Variants in ADAMTS2 observed in about 807,000 individuals in gnomAD.
The protein encoded by ADAMTS2 is ADAM metallopeptidase with thrombospondin type 1 motif 2, also known as A disintegrin and metalloproteinase with thrombospondin motifs 2.
A neutral mutation model predicts 123.0 loss-of-function variants in ADAMTS2; 50 were observed. That is an observed-to-expected ratio of 0.41 (90% CI 0.32 to 0.51). The LOEUF (loss-of-function observed/expected upper bound fraction) is 0.51, where lower values mean the gene tolerates loss of function less well. Among genes scored for constraint, ADAMTS2 ranks in the 20% least tolerant of loss-of-function variants. The probability of loss-of-function intolerance (pLI) is 0.35; values close to 1 mark genes in which losing one functional copy is unlikely to be tolerated. For synonymous variants in ADAMTS2, 678 were observed against 695.4 expected, an observed-to-expected ratio of 0.98 and a Z score of 0.39; for missense variants, 1,494 against 1,705.2, an observed-to-expected ratio of 0.88 and a Z score of 2.18.
chr5:179,173,173 C>T (rs1413907314), intron 5 of ADAMTS2, among the ~76,000 whole-genome samples: 2 of 151,396 alleles, frequency 1.3e-5, no homozygotes, highest in Admixed American at 1.3e-4. Context: ...GATCACACCA[C>T]TCCACTCTAG....
At chr5:179,321,739 C>G (rs1757186695) in intron 2 of ADAMTS2, among the ~76,000 whole-genome samples, 1 of 151,526 alleles carries the variant, frequency 6.6e-6, no homozygotes, top group Admixed American at 6.6e-5. Flanking sequence ...TTTCCAGCTG[C>G]CAGACTCCTT....
At chr5:179,209,803 A>T (rs1015838047) in intron 3 of ADAMTS2, among the ~76,000 whole-genome samples, 3 of 152,162 alleles carry the variant, frequency 2.0e-5, no homozygotes, top group African/African-American at 7.2e-5. Context: ...CTATTTTTGT[A>T]CATTTATTTC....
At chr5:179,237,511 TACTG>T (rs1280411062) in intron 3 of ADAMTS2, among the ~76,000 whole-genome samples, 3 of 152,168 alleles carry the variant, frequency 2.0e-5, no homozygotes, top group Admixed American at 6.5e-5. Flanking sequence ...TAGCAGCCTC[TACTG>T]ACTAAGACAG....
At chr5:179,258,071 C>A (rs1372698386) in intron 3 of ADAMTS2, among the ~76,000 whole-genome samples, 2 of 152,152 alleles carry the variant, frequency 1.3e-5, no homozygotes, top group African/African-American at 2.4e-5. Flanking sequence ...GACCCCCAGG[C>A]TCCAGGCAAG....
chr5:179,136,296 C>T (rs1033703942), intron 12 of ADAMTS2, among the ~76,000 whole-genome samples: 18 of 152,162 alleles, frequency 1.2e-4, no homozygotes, highest in Non-Finnish European at 8.8e-5. Context: ...TGGTGCAGCC[C>T]GGCTCTCACA....
At chr5:179,315,237 C>CCTGGCTTCTGGAAAGCACTGAGGCCACAG (rs1756955921) in intron 2 of ADAMTS2, among the ~76,000 whole-genome samples, 2 of 39,042 alleles carry the variant, frequency 5.1e-5, no homozygotes, top group Non-Finnish European at 1.1e-4. Context: ...GATTAAATAC[C>CCTGGCTTCTGGAAAGCACTGAGGCCACAG]CTGGCTTCTG....
rs1755980888 is a variant in ADAMTS2, at chr5:179,285,057, C to T, written c.535-11993G>A. Among the ~76,000 whole-genome samples the T allele has an allele frequency of 1.3e-5, 2 of 152,126 alleles. No individual in the cohort carries two copies. Among genetic ancestry groups the T allele is most frequent in the Non-Finnish European group, 2.9e-5 (2 of 68,026 alleles). ...GCTGATGTGAGGGCTAAGCGAGATA[C>T]TGCGTCTCTAGCACTGGGCACAGCA... On this transcript the variant is annotated intron_variant, in intron 2 of 21. Transcript: ENST00000251582. The surrounding 1 kb of genome is among the most constrained non-coding windows in gnomAD (Gnocchi z 4.9).
chr5:179,329,855 G>T (rs919548169), intron 2 of ADAMTS2, among the ~76,000 whole-genome samples: 26 of 152,156 alleles, frequency 1.7e-4, no homozygotes, highest in Non-Finnish European at 3.5e-4. Context: ...GGCCGGGCGT[G>T]GTGGCTCACG....
At chr5:179,123,349 G>A (rs1336026206) in intron 19 of ADAMTS2, among the ~76,000 whole-genome samples, 2 of 152,242 alleles carry the variant, frequency 1.3e-5, no homozygotes, top group Admixed American at 6.5e-5. Context: ...GGAAAAGGCT[G>A]ACTCAGCAGA....
At chr5:179,246,339 C>G (rs1365529357) in intron 3 of ADAMTS2, among the ~76,000 whole-genome samples, 1 of 152,122 alleles carries the variant, frequency 6.6e-6, no homozygotes, top group East Asian at 1.9e-4. Flanking sequence ...CGGAGCTTCC[C>G]CAGGACTGAA....
Position 179,223,415 on chromosome 5 carries a change from TAC to T in ADAMTS2, c.689-15702_689-15701del, listed in dbSNP as rs58581656. On this transcript the variant is annotated intron_variant, in intron 3 of 21. Transcript: ENST00000251582. ...ACTCACACACACGCATGCAGTCACA[TAC>T]ACACATGCACTCACACGAACGCACT... 1.2e-3 allele frequency among the ~76,000 whole-genome samples: 143 copies of T among 118,840 alleles called. 1 individual carries two copies. Among genetic ancestry groups the T allele is most frequent in the African/African-American group, 4.2e-3 (127 of 30,374 alleles). The allele number at this position is 118,840 out of a possible 152,430, so 78.0% of individuals were successfully genotyped here. A position where few individuals can be genotyped will look rare whatever the true frequency, so the allele number is the denominator to read the frequency against.
At chr5:179,161,563 G>A (rs190232552) in intron 5 of ADAMTS2, among the ~76,000 whole-genome samples, 11 of 152,282 alleles carry the variant, frequency 7.2e-5, no homozygotes, top group Admixed American at 5.9e-4. Flanking sequence ...TGCCAAGGCT[G>A]GTTAACATAT....
intron 4 of ADAMTS2, among the ~76,000 whole-genome samples, chr5:179,190,609 G>A (rs1473434839): frequency 6.6e-6 from 1 of 152,176 alleles, no homozygotes; most frequent in Non-Finnish European, 1.5e-5. Flanking sequence ...AGGCCAGACT[G>A]ATTTAGGTAA....
In ADAMTS2 at chr5:179,121,661, T is replaced by A; in HGVS notation, c.3178A>T (p.Lys1060Ter). 6.2e-7 allele frequency: 1 copy of A among 1,600,840 alleles called. No homozygotes were observed. The highest frequency in any genetic ancestry group is 8.5e-7 in the Non-Finnish European group (1 of 1,173,420). The change falls in exon 21 of 22, where the codon AAG (lysine) becomes TAG (stop). Residue 1060 changes from lysine to a stop codon, truncating the protein, a stop_gained and splice_region_variant. Coordinates refer to ENST00000251582, the MANE Select transcript of ADAMTS2 (RefSeq NM_014244.5). LOFTEE classifies it high-confidence loss of function. ...PDSPIRKISS[K>*]GHCQGDKSIF... ...GCAGAGTTATAAACGGGTCGGTTAC[T>A]TGACGAGATCTTCCGGATGGGCGAG...
At chr5:179,149,153 G>A (rs918618765) in intron 10 of ADAMTS2, among the ~76,000 whole-genome samples, 14 of 152,190 alleles carry the variant, frequency 9.2e-5, no homozygotes, top group African/African-American at 3.4e-4. Flanking sequence ...AAATTCATAT[G>A]GTGAAGCCCT....
At chr5:179,218,033 CG>C (rs1248373752) in intron 3 of ADAMTS2, among the ~76,000 whole-genome samples, 1 of 152,220 alleles carries the variant, frequency 6.6e-6, no homozygotes, top group Non-Finnish European at 1.5e-5. Context: ...GTCCCCAAAA[CG>C]TAAGTCCTAA....
chr5:179,295,892 G>A (rs1192971454), intron 2 of ADAMTS2, among the ~76,000 whole-genome samples: 2 of 152,226 alleles, frequency 1.3e-5, no homozygotes, highest in African/African-American at 4.8e-5. Context: ...GGGAGCAAGG[G>A]AGGCGTGGAG....
chr5:179,198,338 A>G (rs960866805), intron 4 of ADAMTS2, among the ~76,000 whole-genome samples: 1 of 152,234 alleles, frequency 6.6e-6, no homozygotes, highest in Non-Finnish European at 1.5e-5. Flanking sequence ...TGGATGGGCC[A>G]CACATCTGCC....
chr5:179,276,392 G>T (rs533925732), intron 2 of ADAMTS2, among the ~76,000 whole-genome samples: 1 of 152,296 alleles, frequency 6.6e-6, no homozygotes, highest in Non-Finnish European at 1.5e-5. Context: ...ACCCTGGGGG[G>T]CGGCAGCGGG....
Sources: allele counts gnomAD v4.1 joint callset (sites outside exome capture counted in the v4.1 genomes callset), GRCh38; gene constraint gnomAD v4.1.1; non-coding constraint Gnocchi (gnomAD v3.1); transcripts MANE v1.5; gene names NCBI Gene and HGNC (gene_info 2026-07-23, HGNC 2026-07-21).